SLC26A3: variants seen among roughly 807,000 people sequenced by gnomAD.
SLC26A3 encodes the protein chloride anion exchanger.
A neutral mutation model predicts 85.6 loss-of-function variants in SLC26A3; 64 were observed. The ratio of observed to expected loss-of-function variants is 0.75; its 90% CI spans 0.61 to 0.92. The LOEUF (loss-of-function observed/expected upper bound fraction) is 0.92. Among genes scored for constraint, SLC26A3 ranks in the 40% least tolerant of loss-of-function variants. SLC26A3 has a pLI of 0.00. For missense variants in SLC26A3, 922 were observed against 927.3 expected (o/e 0.99, Z 0.07); for synonymous variants, 349 against 336.0 (o/e 1.04, Z -0.42).
intron 17 of SLC26A3, among the ~76,000 whole-genome samples, chr7:107,772,359 G>C (rs1233288551): frequency 6.6e-6 from 1 of 152,152 alleles, no homozygotes; most frequent in African/African-American, 2.4e-5. Flanking sequence ...AGTATTATGG[G>C]AAAATGTTCT....
At chr7:107,767,457 G>A (rs1445482784) in intron 20 of SLC26A3, 122 bp downstream of exon 20, 1 of 747,828 alleles carries the variant, frequency 1.3e-6, no homozygotes, top group Non-Finnish European at 2.4e-6. Context: ...TTCTAGGGAT[G>A]AGGCACAGAG....
At chr7:107,779,639 C>G (rs370038027) in intron 12 of SLC26A3, 29 bp downstream of exon 12, 132 of 1,524,086 alleles carry the variant, frequency 8.7e-5, no homozygotes, top group Non-Finnish European at 1.2e-4. Flanking sequence ...TGATTTATCT[C>G]TCTTTCAAAT....
At chr7:107,765,929 A>T (rs746595361) in intron 20 of SLC26A3, 51 bp from the exon 21 acceptor site, 3 of 1,498,846 alleles carry the variant, frequency 2.0e-6, no homozygotes, top group African/African-American at 1.4e-5. Flanking sequence ...AAGTTCTGTT[A>T]CAATAATCAC....
intron 6 of SLC26A3, 101 bp downstream of exon 6, chr7:107,789,423 G>T: frequency 8.3e-7 from 1 of 1,207,038 alleles, no homozygotes; most frequent in Admixed American, 2.0e-5. Context: ...TTTACAAACT[G>T]TAGGTAAACC....
chr7:107,772,667 T>G (rs1794045663), intron 17 of SLC26A3, among the ~76,000 whole-genome samples: 1 of 152,196 alleles, frequency 6.6e-6, no homozygotes, highest in Non-Finnish European at 1.5e-5. Flanking sequence ...GTCATTGCCA[T>G]CATCAGTAAA....
rs146161125 is a variant in SLC26A3, at chr7:107,782,835, C to T, written c.1273G>A (p.Val425Ile). 3.7e-4 allele frequency: 596 copies of T among 1,614,084 alleles called. 4 individuals carry two copies. The African/African-American group carries it at 6.5e-3, about 18-fold the overall frequency. The change falls in exon 11 of 21, where the codon GTT becomes ATT. Residue 425 changes from valine (V) to isoleucine (I), a missense_variant. Transcript: ENST00000340010. The part of the protein sequence containing the change: ...LIGAIIVLIV[V>I]LAIGFLLAPL... ...GCCAGGAGAAATCCAATGGCTAGAA[C>T]GACAATCAGCACGATGATGGCACCA... is the stretch of plus-strand genomic sequence containing the variant.
At chr7:107,801,789 A>G (rs1358400515) in intron 1 of SLC26A3, among the ~76,000 whole-genome samples, 1 of 152,108 alleles carries the variant, frequency 6.6e-6, no homozygotes, top group African/African-American at 2.4e-5. Flanking sequence ...TTCATTAGGA[A>G]TAATCCTTGG....
Position 107,783,077 on chromosome 7 carries a change from C to T in SLC26A3, c.1136G>A (p.Gly379Glu). 1.9e-6 allele frequency: 3 copies of T among 1,614,164 alleles called. No homozygotes were observed. Among genetic ancestry groups the T allele is most frequent in the Non-Finnish European group, 2.5e-6 (3 of 1,180,024 alleles). The change falls in exon 10 of 21, where the codon GGA becomes GAA. Residue 379 changes from glycine (G) to glutamate (E), a missense_variant. Physicochemically the swap from Gly to Glu is moderately conservative, Grantham distance 98 (BLOSUM62 -2). Transcript: ENST00000340010. ...LDGNQELIAL[G>E]LGNIVCGVFR... The stretch of plus-strand genomic sequence containing the variant: ...TACTCCACAGACTATGTTACCCAGT[C>T]CCAAGGCTATTAACTCCTGACAGGA...
chr7:107,786,788 C>T, intron 8 of SLC26A3, 39 bp downstream of exon 8: 3 of 1,520,140 alleles, frequency 2.0e-6, no homozygotes, highest in Non-Finnish European at 2.7e-6. Context: ...TAACTCTCTG[C>T]TTAGTGCATG....
intron 6 of SLC26A3, among the ~76,000 whole-genome samples, chr7:107,788,914 C>A (rs1794345839): frequency 6.6e-6 from 1 of 150,536 alleles, no homozygotes; most frequent in Admixed American, 6.6e-5. Flanking sequence ...TTCCAAAAAG[C>A]TGGGACTGCA....
intron 4 of SLC26A3, among the ~76,000 whole-genome samples, 167 bp from the exon 5 acceptor site, chr7:107,791,402 G>A (rs1045993049): frequency 9.9e-5 from 15 of 152,086 alleles, no homozygotes; most frequent in African/African-American, 2.7e-4. Context: ...ACCTGAGGTC[G>A]GGAGTTTGAG....
intron 17 of SLC26A3, among the ~76,000 whole-genome samples, 177 bp from the exon 18 acceptor site, chr7:107,772,285 A>G (rs929584384): frequency 6.6e-5 from 10 of 152,216 alleles, no homozygotes; most frequent in African/African-American, 2.2e-4. Context: ...CTGTGACAGA[A>G]ATAAACCCAA....
At chr7:107,774,413 A>G (rs1386606601) in intron 16 of SLC26A3, among the ~76,000 whole-genome samples, 1 of 152,084 alleles carries the variant, frequency 6.6e-6, no homozygotes, top group Non-Finnish European at 1.5e-5. Flanking sequence ...TTAGCCAGGC[A>G]TGGTGGCACA....
intron 1 of SLC26A3, 117 bp from the exon 2 acceptor site, chr7:107,794,714 A>G (rs1388315625): frequency 1.0e-5 from 6 of 591,344 alleles, no homozygotes; most frequent in African/African-American, 7.4e-5. Context: ...AGGCAGGATT[A>G]AGGGACCTAG....
At chr7:107,785,769 A>G (rs893190048) in intron 8 of SLC26A3, among the ~76,000 whole-genome samples, 1 of 152,358 alleles carries the variant, frequency 6.6e-6, no homozygotes, top group East Asian at 1.9e-4. Context: ...TTAAAAAAAT[A>G]AAAAGTACAT....
At position 107,796,087 on chromosome 7, in the gene SLC26A3, T is replaced by G. The variant is rs556927403; in HGVS notation, c.-88-1490A>C. ...ATTTGAGTTCCTTTGAGCTCAGTTA[T>G]GACTCCCTTATTATTATTATTATTA... On this transcript the variant is annotated intron_variant, in intron 1 of 20. Transcript: ENST00000340010. 5.5e-5 allele frequency among the ~76,000 whole-genome samples: 8 copies of G among 144,594 alleles called. No individual in the cohort carries two copies. The South Asian group carries it at 1.1e-3, about 21-fold the overall frequency. 94.9% of individuals were successfully genotyped at this position (144,594 alleles called of 152,430 possible). A position where few individuals can be genotyped will look rare whatever the true frequency, so the allele number is the denominator to read the frequency against.
chr7:107,799,672 G>C (rs1336972953), intron 1 of SLC26A3, among the ~76,000 whole-genome samples: 1 of 152,176 alleles, frequency 6.6e-6, no homozygotes, highest in Admixed American at 6.5e-5. Context: ...GATTACAGGC[G>C]TGAGCACCCG....
intron 18 of SLC26A3, among the ~76,000 whole-genome samples, chr7:107,770,946 C>T (rs976333330): frequency 2.6e-5 from 4 of 152,040 alleles, no homozygotes; most frequent in African/African-American, 7.2e-5. Context: ...CAGTTATTGT[C>T]GGAAAAATTC....
chr7:107,778,430 C>T lies in SLC26A3; in HGVS notation c.1408-149G>A, dbSNP rs181734622. ...AAAAAAAATTTAAAAATTTGCCAGA[C>T]GTGGTGGAAGTTGAAAGTTGTCATC... is the stretch of plus-strand genomic sequence containing the variant. On this transcript the variant is annotated intron_variant, in intron 12 of 20. Transcript: ENST00000340010. 800 of 590,240 alleles carry T rather than the reference C, an allele frequency of 1.4e-3. 1 individual carries two copies. Among genetic ancestry groups the T allele is most frequent in the Non-Finnish European group, 1.9e-3 (661 of 345,666 alleles). The allele number at this position is 590,240 out of a possible 1,614,324, so 36.6% of individuals were successfully genotyped here.
Sources: gnomAD v4.1 joint callset for allele counts (sites outside exome capture counted in the v4.1 genomes callset) on GRCh38, gnomAD v4.1.1 for gene constraint, MANE v1.5 for transcripts, NCBI Gene and HGNC (gene_info 2026-07-23, HGNC 2026-07-21) for gene names.